Variants in LARGE1 observed in about 807,000 individuals in gnomAD.
LARGE1 encodes the protein xylosyl- and glucuronyltransferase LARGE1.
LARGE1 carries 43 observed loss-of-function variants against 87.6 expected under a neutral mutation model. That is an observed-to-expected ratio of 0.49 (90% confidence interval 0.38 to 0.63). The LOEUF (loss-of-function observed/expected upper bound fraction) is 0.63. Ranked by LOEUF, LARGE1 falls within the 30% of genes least tolerant of loss-of-function variation. The probability of loss-of-function intolerance (pLI) is 0.00; values close to 1 mark genes in which losing one functional copy is unlikely to be tolerated. For synonymous variants in LARGE1, 434 were observed against 394.6 expected (o/e 1.10, Z -1.18); for missense variants, 802 against 1,000.2 (o/e 0.80, Z 2.67).
At chr22:33,728,454 G>A (rs1420202373) in intron 2 of LARGE1, among the ~76,000 whole-genome samples, 4 of 147,414 alleles carry the variant, frequency 2.7e-5, no homozygotes, top group South Asian at 2.2e-4. Context: ...CAGGAGAATC[G>A]CTTGAACCTG....
chr22:33,434,512 G>T (rs1233359198), intron 6 of LARGE1, among the ~76,000 whole-genome samples: 1 of 152,132 alleles, frequency 6.6e-6, no homozygotes, highest in African/African-American at 2.4e-5. Flanking sequence ...TGTTGGCCAG[G>T]ATGGTCTCGA....
intron 7 of LARGE1, among the ~76,000 whole-genome samples, chr22:33,397,828 C>T (rs113160654): frequency 2.0e-5 from 3 of 152,288 alleles, no homozygotes; most frequent in African/African-American, 4.8e-5. Context: ...GCATTTTAGG[C>T]ATTCGGTTAG....
chr22:33,699,738 T>C (rs960435596), intron 2 of LARGE1, among the ~76,000 whole-genome samples: 5 of 152,124 alleles, frequency 3.3e-5, no homozygotes, highest in Admixed American at 1.3e-4. Context: ...AAAAGAAAGA[T>C]TCAAAGGGAT....
intron 1 of LARGE1, among the ~76,000 whole-genome samples, chr22:33,901,003 C>T (rs1380003006): frequency 6.6e-6 from 1 of 152,080 alleles, no homozygotes; most frequent in Non-Finnish European, 1.5e-5. Flanking sequence ...GCCGAGATCG[C>T]GCTACTGCAC....
intron 11 of LARGE1, among the ~76,000 whole-genome samples, chr22:33,249,370 C>T (rs560103270): frequency 6.1e-4 from 93 of 152,284 alleles, no homozygotes; most frequent in African/African-American, 2.1e-3. Context: ...GTCTTTGGCA[C>T]ATTTACTAAG....
intron 11 of LARGE1, among the ~76,000 whole-genome samples, chr22:33,257,467 A>C (rs1927370646): frequency 6.6e-6 from 1 of 151,388 alleles, no homozygotes; most frequent in Non-Finnish European, 1.5e-5. Flanking sequence ...ACAAAAAAAC[A>C]AAAAAAAGGC....
At chr22:33,483,256 C>T (rs1400967911) in intron 6 of LARGE1, among the ~76,000 whole-genome samples, 2 of 152,090 alleles carry the variant, frequency 1.3e-5, no homozygotes, top group African/African-American at 4.8e-5. Flanking sequence ...ATTCAGAGGA[C>T]CCCAATACGG....
In LARGE1 at chr22:33,696,656, T is replaced by A. The variant is rs1398799209; in HGVS notation, c.107-45988A>T. Among the ~76,000 whole-genome samples the A allele has an allele frequency of 2.0e-5, 3 of 152,296 alleles. No individual in the cohort carries two copies. The East Asian group carries it at 5.8e-4, about 29-fold the overall frequency. ...CAGCTGCAACACATTCTTACCAACA[T>A]CTGATGTTGTTAGTTTTGTTTTATT... is the stretch of plus-strand genomic sequence containing the variant. On this transcript the variant is annotated intron_variant, in intron 2 of 14. Transcript: ENST00000397394.
intron 1 of LARGE1, among the ~76,000 whole-genome samples, chr22:33,768,526 A>C (rs779019686): frequency 1.2e-4 from 18 of 151,948 alleles, no homozygotes; most frequent in Non-Finnish European, 2.2e-4. Flanking sequence ...ACCTCAATAG[A>C]ATCAAGTCTT....
chr22:33,084,487 T>C, the LARGE1 span, among the ~76,000 whole-genome samples: 1 of 150,878 alleles, frequency 6.6e-6, no homozygotes, highest in African/African-American at 2.4e-5. Context: ...AGTGAGACCT[T>C]GTCTCTCGAA....
chr22:33,502,261 G>A (rs955867843), intron 6 of LARGE1, among the ~76,000 whole-genome samples: 3 of 151,958 alleles, frequency 2.0e-5, no homozygotes, highest in African/African-American at 4.8e-5. Flanking sequence ...CAGTGACAGC[G>A]GCGGTGAGCT....
chr22:33,749,151 G>A (rs2084216229), intron 2 of LARGE1, among the ~76,000 whole-genome samples: 1 of 152,200 alleles, frequency 6.6e-6, no homozygotes, highest in Admixed American at 6.5e-5. Flanking sequence ...TTTCGCTCTT[G>A]TTGCCCAGGC....
rs75729506 is a variant in LARGE1 at position 33,303,990 on chromosome 22, C to T, written c.1730+239G>A. ...AGACTGGCAGACAAAAAGAGATGTT[C>T]GCTGGACCAAGCTCTGCCATCAACA... On this transcript the variant is annotated intron_variant, in intron 12 of 14. Coordinates refer to ENST00000397394, the MANE Select transcript of LARGE1 (RefSeq NM_133642.5). 0.024 allele frequency among the ~76,000 whole-genome samples: 3,687 copies of T among 152,338 alleles called. 134 individuals carry two copies. Among genetic ancestry groups the T allele is most frequent in the African/African-American group, 0.085 (3,527 of 41,578 alleles).
chr22:33,503,472 T>C (rs1176969691), intron 6 of LARGE1, among the ~76,000 whole-genome samples: 1 of 151,960 alleles, frequency 6.6e-6, no homozygotes, highest in Non-Finnish European at 1.5e-5. Context: ...TAGGTACATA[T>C]GTACCAGGAG....
intron 11 of LARGE1, among the ~76,000 whole-genome samples, chr22:33,264,657 T>TCAAAAAAAA (rs1030729812): frequency 1.3e-5 from 2 of 152,080 alleles, no homozygotes; most frequent in African/African-American, 4.8e-5. Flanking sequence ...AGACTTCATA[T>TCAAAAAAAA]CAAAACAAAA....
chr22:33,485,333 C>T (rs796487197), intron 6 of LARGE1, among the ~76,000 whole-genome samples: 8 of 152,074 alleles, frequency 5.3e-5, no homozygotes, highest in African/African-American at 1.9e-4. Flanking sequence ...CCTGCCCCAG[C>T]CTCCCGAGTA....
chr22:33,637,504 ACT>A (rs1425711560), intron 3 of LARGE1, among the ~76,000 whole-genome samples: 1 of 152,030 alleles, frequency 6.6e-6, no homozygotes, highest in Non-Finnish European at 1.5e-5. Flanking sequence ...CCTCTCCTAT[ACT>A]GTGTCAGAGC....
chr22:33,280,248 T>A (rs1280045949), intron 13 of LARGE1, among the ~76,000 whole-genome samples: 1 of 150,712 alleles, frequency 6.6e-6, no homozygotes, highest in East Asian at 1.9e-4. Context: ...CTTCATAGAT[T>A]TATGATGATT....
At chr22:33,658,908 A>G (rs2081046586) in intron 2 of LARGE1, among the ~76,000 whole-genome samples, 1 of 152,196 alleles carries the variant, frequency 6.6e-6, no homozygotes, top group Non-Finnish European at 1.5e-5. Flanking sequence ...AAGTCTTAGC[A>G]TTGCCACACT....
Sources: gnomAD v4.1 joint callset for allele counts (sites outside exome capture counted in the v4.1 genomes callset) on GRCh38, gnomAD v4.1.1 for gene constraint, MANE v1.5 for transcripts, NCBI Gene and HGNC (gene_info 2026-07-23, HGNC 2026-07-21) for gene names.